Variants in RFPL1 observed in about 807,000 individuals in gnomAD.
RFPL1 encodes ret finger protein-like 1.
Under a neutral mutation model 9.6 loss-of-function variants are expected in RFPL1, and 6 were observed. The observed-to-expected ratio is 0.62, with a 90% CI of 0.34 to 1.23. RFPL1 has a LOEUF of 1.23. Ranked by LOEUF, RFPL1 falls within the 50% of genes most tolerant of loss-of-function variation. The probability of loss-of-function intolerance (pLI) is 0.03; values close to 1 mark genes in which losing one functional copy is unlikely to be tolerated. For missense variants in RFPL1, 352 were observed against 398.4 expected (o/e 0.88, Z 0.99); for synonymous variants, 145 against 149.4 (o/e 0.97, Z 0.22).
At chr22:29,418,551 C>T in the RFPL1 span, among the ~76,000 whole-genome samples, 1 of 141,540 alleles carries the variant, frequency 7.1e-6, no homozygotes, top group Admixed American at 7.4e-5. Flanking sequence ...CTGGGCTGGA[C>T]TGCAGTGGCA....
upstream of RFPL1, among the ~76,000 whole-genome samples, chr22:29,434,278 G>A (rs556679257): frequency 2.0e-5 from 3 of 152,146 alleles, no homozygotes; most frequent in Non-Finnish European, 4.4e-5. Flanking sequence ...TGCCTTCATG[G>A]ATCTCAAGAA....
At chr22:29,410,663 T>C in the RFPL1 span, among the ~76,000 whole-genome samples, 2 of 145,418 alleles carry the variant, frequency 1.4e-5, no homozygotes, top group Admixed American at 7.1e-5. Context: ...TATATATATA[T>C]TTTTTTGAGA....
At chr22:29,411,801 T>A in the RFPL1 span, among the ~76,000 whole-genome samples, 29 of 152,354 alleles carry the variant, frequency 1.9e-4, no homozygotes, top group South Asian at 6.0e-3. Flanking sequence ...ATCTGAAAGT[T>A]GTTTGAAATG....
At chr22:29,411,504 G>A in the RFPL1 span, among the ~76,000 whole-genome samples, 1 of 85,870 alleles carries the variant, frequency 1.2e-5, no homozygotes, top group African/African-American at 8.5e-5. Flanking sequence ...TAGGATTCAT[G>A]CATTTTATCT....
the RFPL1 span, among the ~76,000 whole-genome samples, chr22:29,401,844 G>C: frequency 2.0e-5 from 3 of 152,200 alleles, no homozygotes; most frequent in African/African-American, 4.8e-5. Context: ...TTTTGGGTCA[G>C]ATAGATCTGC....
chr22:29,403,668 A>G, the RFPL1 span, among the ~76,000 whole-genome samples: 3 of 152,260 alleles, frequency 2.0e-5, no homozygotes, highest in African/African-American at 7.2e-5. Context: ...AGTCACAGAA[A>G]AAGAAATGCA....
At chr22:29,410,604 TAG>T in the RFPL1 span, among the ~76,000 whole-genome samples, 2 of 92,722 alleles carry the variant, frequency 2.2e-5, no homozygotes, top group African/African-American at 8.8e-5. Context: ...TAGATATATA[TAG>T]ATATATCTAT....
At chr22:29,425,073 A>G in the RFPL1 span, among the ~76,000 whole-genome samples, 2,285 of 150,562 alleles carry the variant, frequency 0.015, 48 homozygotes, top group African/African-American at 0.048. Context: ...GCGTGGTGGC[A>G]GGCGCCTGTA....
chr22:29,425,146 G>C, the RFPL1 span, among the ~76,000 whole-genome samples: 2 of 148,646 alleles, frequency 1.3e-5, no homozygotes, highest in East Asian at 4.0e-4. Context: ...GGAGCTTGCA[G>C]TGAGCCGAGA....
the RFPL1 span, among the ~76,000 whole-genome samples, chr22:29,417,514 G>T: frequency 1.1e-4 from 17 of 148,640 alleles, no homozygotes; most frequent in South Asian, 3.6e-3. Context: ...GAGGCACAGG[G>T]CTGGGCACCA....
upstream of RFPL1, chr22:29,438,012 G>C: frequency 3.3e-6 from 1 of 305,186 alleles, no homozygotes; most frequent in Non-Finnish European, 5.9e-6. Flanking sequence ...AGGTTGGAGT[G>C]ACCTGGTGTG....
At chr22:29,412,690 T>G in the RFPL1 span, among the ~76,000 whole-genome samples, 10 of 152,286 alleles carry the variant, frequency 6.6e-5, no homozygotes, top group African/African-American at 2.2e-4. Flanking sequence ...AATGTTTTAA[T>G]GAACACACTC....
the RFPL1 span, among the ~76,000 whole-genome samples, chr22:29,398,848 G>A: frequency 2.0e-5 from 3 of 152,094 alleles, no homozygotes; most frequent in African/African-American, 7.2e-5. Flanking sequence ...TCTTCTTCCT[G>A]TCCTCCATCC....
the RFPL1 span, among the ~76,000 whole-genome samples, chr22:29,416,971 T>C: frequency 6.6e-6 from 1 of 152,214 alleles, no homozygotes; most frequent in African/African-American, 2.4e-5. Context: ...TTTCTATCTC[T>C]GGAATCATCA....
the RFPL1 span, among the ~76,000 whole-genome samples, chr22:29,389,925 A>G: frequency 6.6e-6 from 1 of 151,788 alleles, no homozygotes; most frequent in Non-Finnish European, 1.5e-5. Flanking sequence ...GGGCCTCCCA[A>G]GTAATTGGGA....
the RFPL1 span, among the ~76,000 whole-genome samples, chr22:29,421,868 C>G: frequency 6.6e-6 from 1 of 152,136 alleles, no homozygotes; most frequent in Non-Finnish European, 1.5e-5. Flanking sequence ...TGAGCAACAC[C>G]AGGTCAGAGG....
chr22:29,433,250 C>T, the RFPL1 span: 1 of 148,562 alleles, frequency 6.7e-6, no homozygotes, highest in East Asian at 2.0e-4. Flanking sequence ...AAGATGGCAC[C>T]ACAGCACTCC....
the RFPL1 span, among the ~76,000 whole-genome samples, chr22:29,416,843 C>T: frequency 0.036 from 5,530 of 152,154 alleles, 287 homozygotes; most frequent in African/African-American, 0.12. Flanking sequence ...CCTGGAGGAG[C>T]CAGGTCTGAG....
At chr22:29,422,864 TC>T in the RFPL1 span, among the ~76,000 whole-genome samples, 158 of 152,272 alleles carry the variant, frequency 1.0e-3, 1 homozygote, top group South Asian at 0.02. Flanking sequence ...GGATTGTGTG[TC>T]TTCTTTCCCC....
Sources: gnomAD v4.1 joint callset for allele counts (sites outside exome capture counted in the v4.1 genomes callset) on GRCh38, gnomAD v4.1.1 for gene constraint, MANE v1.5 for transcripts, NCBI Gene and HGNC (gene_info 2026-07-23, HGNC 2026-07-21) for gene names.